Variants in GTF2F2 observed in about 807,000 individuals in gnomAD.
GTF2F2 encodes ATP-dependent helicase GTF2F2.
GTF2F2 carries 23 observed loss-of-function variants against 42.2 expected under a neutral mutation model. That is an observed-to-expected ratio of 0.55 (90% CI 0.39 to 0.77). The LOEUF is 0.77. Ranked by LOEUF, GTF2F2 falls within the 30% of genes least tolerant of loss-of-function variation. The pLI, the probability that GTF2F2 is intolerant of heterozygous loss-of-function variation, is 0.00. For missense variants in GTF2F2, 261 were observed against 287.2 expected (o/e 0.91, Z 0.66); for synonymous variants, 105 against 100.8 (o/e 1.04, Z -0.25).
chr13:45,172,953 A>G (rs1219711553), intron 4 of GTF2F2, among the ~76,000 whole-genome samples: 1 of 152,010 alleles, frequency 6.6e-6, no homozygotes, highest in Non-Finnish European at 1.5e-5. Flanking sequence ...TCAAGTTTGC[A>G]TATGAATTTT....
chr13:45,127,492 ATTT>A (rs34519885), intron 1 of GTF2F2, among the ~76,000 whole-genome samples: 2 of 137,462 alleles, frequency 1.5e-5, no homozygotes. Context: ...CGCCCAACTA[ATTT>A]TTTTTTTTTT....
intron 5 of GTF2F2, among the ~76,000 whole-genome samples, chr13:45,209,910 C>A (rs1873564300): frequency 6.6e-6 from 1 of 152,184 alleles, no homozygotes; most frequent in African/African-American, 2.4e-5. Flanking sequence ...TCACACCCCA[C>A]ATCCAATGTG....
In GTF2F2 at chr13:45,176,447, G is replaced by A. The variant is rs183305787; in HGVS notation, c.304+24616G>A. Among the ~76,000 whole-genome samples the A allele has an allele frequency of 4.9e-3, 740 of 152,238 alleles. 11 individuals carry two copies. The highest frequency in any genetic ancestry group is 8.7e-3 in the Non-Finnish European group (592 of 68,002). On this transcript the variant is annotated intron_variant, in intron 4 of 7. Transcript: ENST00000340473. ...TTTTACATTTGAATTTATTTTGAGA[G>A]ATGCTTGTTTAGATTTCTTGTCCAT...
chr13:45,190,952 A>C (rs1191890497), intron 4 of GTF2F2, among the ~76,000 whole-genome samples: 3 of 151,686 alleles, frequency 2.0e-5, no homozygotes, highest in East Asian at 1.9e-4. Context: ...AAAAAAAAAA[A>C]AAAACTGAAT....
chr13:45,222,667 A>C (rs1441755607), intron 5 of GTF2F2, among the ~76,000 whole-genome samples: 1 of 152,242 alleles, frequency 6.6e-6, no homozygotes, highest in Non-Finnish European at 1.5e-5. Flanking sequence ...AAATGCATGT[A>C]AACCCATTCA....
At chr13:45,165,594 T>A (rs916795103) in intron 4 of GTF2F2, among the ~76,000 whole-genome samples, 1 of 147,798 alleles carries the variant, frequency 6.8e-6, no homozygotes, top group Admixed American at 6.7e-5. Flanking sequence ...GCTTTTAACC[T>A]TTTCATTCTG....
At chr13:45,238,397 G>A (rs1439020427) in intron 5 of GTF2F2, among the ~76,000 whole-genome samples, 2 of 152,188 alleles carry the variant, frequency 1.3e-5, no homozygotes, top group Admixed American at 6.5e-5. Context: ...TCAGCTCAAC[G>A]TTTTTTCCCC....
At chr13:45,241,108 A>T (rs1420608864) in intron 5 of GTF2F2, among the ~76,000 whole-genome samples, 1 of 151,414 alleles carries the variant, frequency 6.6e-6, no homozygotes, top group Non-Finnish European at 1.5e-5. Flanking sequence ...TGTCGTGATC[A>T]TACCACAGAC....
intron 4 of GTF2F2, among the ~76,000 whole-genome samples, chr13:45,205,432 A>G (rs980951405): frequency 1.3e-5 from 2 of 152,252 alleles, no homozygotes; most frequent in Non-Finnish European, 2.9e-5. Context: ...ACACAGAGCC[A>G]GACCATATCA....
intron 4 of GTF2F2, chr13:45,194,738 A>G (rs1009225109): frequency 1.6e-6 from 1 of 629,256 alleles, no homozygotes; most frequent in Non-Finnish European, 2.9e-6. Flanking sequence ...GTATCAGCCT[A>G]TGTATGCAGG....
intron 4 of GTF2F2, among the ~76,000 whole-genome samples, chr13:45,188,910 T>C (rs1872526389): frequency 6.8e-6 from 1 of 146,066 alleles, no homozygotes; most frequent in African/African-American, 2.5e-5. Context: ...ATGATTCACT[T>C]TTTTTTTTTT....
At chr13:45,129,042 G>C (rs1869199783) in intron 1 of GTF2F2, among the ~76,000 whole-genome samples, 1 of 152,194 alleles carries the variant, frequency 6.6e-6, no homozygotes, top group South Asian at 2.1e-4. Flanking sequence ...CCAGTAGTTT[G>C]ATCACAGAAA....
chr13:45,245,913 C>T (rs1034983777), intron 5 of GTF2F2, among the ~76,000 whole-genome samples: 3 of 143,110 alleles, frequency 2.1e-5, no homozygotes, highest in African/African-American at 7.6e-5. Flanking sequence ...TGCACTCCAG[C>T]CTGGGCGACT....
intron 4 of GTF2F2, among the ~76,000 whole-genome samples, chr13:45,167,977 C>T (rs1487585175): frequency 1.3e-5 from 2 of 152,172 alleles, no homozygotes; most frequent in African/African-American, 4.8e-5. Flanking sequence ...GCTTCAGTTT[C>T]TTTTATATAG....
Position 45,235,598 on chromosome 13 carries a change from T to A in GTF2F2, c.387-17273T>A, listed in dbSNP as rs1468198571. On this transcript the variant is annotated intron_variant, in intron 5 of 7. Transcript: ENST00000340473. The stretch of plus-strand genomic sequence containing the variant: ...CATATGCTTTCTTTCCTTTTTCTTT[T>A]TTTTTTCCTGAGATAGAGTCCCGCT... 2.0e-5 allele frequency among the ~76,000 whole-genome samples: 3 copies of A among 152,076 alleles called. No homozygotes were observed. The East Asian group carries it at 5.8e-4, about 29-fold the overall frequency.
chr13:45,199,213 C>T (rs552978058), intron 4 of GTF2F2, among the ~76,000 whole-genome samples: 16 of 152,272 alleles, frequency 1.1e-4, no homozygotes, highest in African/African-American at 2.9e-4. Context: ...TGTTGAACTG[C>T]GTCTTCAAGG....
intron 5 of GTF2F2, among the ~76,000 whole-genome samples, chr13:45,252,116 G>A (rs1253391887): frequency 6.6e-6 from 1 of 152,052 alleles, no homozygotes; most frequent in East Asian, 1.9e-4. Flanking sequence ...ATACATGGTG[G>A]CATATATTTT....
chr13:45,217,689 A>C (rs934232802), intron 5 of GTF2F2, among the ~76,000 whole-genome samples: 1 of 152,184 alleles, frequency 6.6e-6, no homozygotes, highest in Non-Finnish European at 1.5e-5. Flanking sequence ...TTGGCATGTG[A>C]TGGTGTTTCT....
intron 5 of GTF2F2, among the ~76,000 whole-genome samples, chr13:45,227,554 C>T (rs927664075): frequency 6.6e-6 from 1 of 152,146 alleles, no homozygotes; most frequent in Admixed American, 6.5e-5. Context: ...AAACAAATAT[C>T]GCAAAACTTT....
Sources: gnomAD v4.1 joint callset for allele counts (sites outside exome capture counted in the v4.1 genomes callset) on GRCh38, gnomAD v4.1.1 for gene constraint, MANE v1.5 for transcripts, NCBI Gene and HGNC (gene_info 2026-07-23, HGNC 2026-07-21) for gene names.